Variants in TCERG1L observed in about 807,000 individuals in gnomAD.
TCERG1L encodes the protein transcription elongation regulator 1 like.
A neutral mutation model predicts 56.3 loss-of-function variants in TCERG1L; 37 were observed. The ratio of observed to expected loss-of-function variants is 0.66; its 90% confidence interval spans 0.51 to 0.87. TCERG1L has a LOEUF of 0.87. Among genes scored for constraint, TCERG1L ranks in the 40% least tolerant of loss-of-function variants. TCERG1L has a pLI of 0.00. For synonymous variants in TCERG1L, 324 were observed against 326.3 expected (o/e 0.99, Z 0.08); for missense variants, 799 against 774.2 (o/e 1.03, Z -0.38).
At chr10:131,259,004 T>G (rs1239895128) in intron 4 of TCERG1L, among the ~76,000 whole-genome samples, 3 of 152,236 alleles carry the variant, frequency 2.0e-5, no homozygotes, top group African/African-American at 7.2e-5. Context: ...ATGTGTTTTA[T>G]TTATTTTCTC....
chr10:131,142,562 C>T (rs890680315), intron 7 of TCERG1L, among the ~76,000 whole-genome samples: 10 of 152,168 alleles, frequency 6.6e-5, no homozygotes, highest in Non-Finnish European at 1.2e-4. Flanking sequence ...GTCATCTGCC[C>T]GCAGACTAGG....
intron 8 of TCERG1L, among the ~76,000 whole-genome samples, chr10:131,128,389 T>G (rs1012452629): frequency 3.3e-5 from 5 of 152,158 alleles, no homozygotes; most frequent in African/African-American, 4.8e-5. Flanking sequence ...GAAAATGCCC[T>G]TACAGAAGAA....
intron 4 of TCERG1L, among the ~76,000 whole-genome samples, chr10:131,251,056 G>A (rs563344856): frequency 3.0e-4 from 45 of 152,176 alleles, no homozygotes; most frequent in African/African-American, 9.6e-4. Context: ...ACATCATCAC[G>A]CTCTCAGGCC....
chr10:131,136,567 C>A (rs1845677451), intron 7 of TCERG1L, among the ~76,000 whole-genome samples: 1 of 152,076 alleles, frequency 6.6e-6, no homozygotes, highest in Non-Finnish European at 1.5e-5. Flanking sequence ...GCGATCTCGG[C>A]TCACTGCAAC....
At chr10:131,225,244 A>G (rs1252028019) in intron 4 of TCERG1L, among the ~76,000 whole-genome samples, 1 of 152,218 alleles carries the variant, frequency 6.6e-6, no homozygotes, top group Non-Finnish European at 1.5e-5. Context: ...TTCTTCTAGG[A>G]TGGGCCCTAC....
chr10:131,278,847 C>G (rs1200299925), intron 3 of TCERG1L, among the ~76,000 whole-genome samples: 1 of 152,144 alleles, frequency 6.6e-6, no homozygotes, highest in East Asian at 1.9e-4. Context: ...TGGGAGCTCT[C>G]CTGGGCTCAT....
In TCERG1L at chr10:131,116,899, G is replaced by A; in HGVS notation, c.1295C>T (p.Ala432Val). Reference sequence around the variant, plus strand: ...CCTTGTGCCTTTGTCCTCTCTCTTTGCCTCCTCTGGCTTGGGACTCCCGCA... The same window carrying A: ...CCTTGTGCCTTTGTCCTCTCTCTTTACCTCCTCTGGCTTGGGACTCCCGCA... ...EGCGSPKPEE[A>V]KREDKGTRTP... Residue 432 changes from alanine to valine, a missense_variant, in exon 9 of 12, where the codon GCA becomes GTA. Coordinates refer to ENST00000368642, the MANE Select transcript of TCERG1L (RefSeq NM_174937.4). 6.2e-7 allele frequency: 1 copy of A among 1,605,978 alleles called. No homozygotes were observed. Among genetic ancestry groups the A allele is most frequent in the Admixed American group, 1.7e-5 (1 of 59,040 alleles).
intron 3 of TCERG1L, among the ~76,000 whole-genome samples, chr10:131,274,135 C>T (rs992623792): frequency 6.6e-6 from 1 of 152,168 alleles, no homozygotes; most frequent in African/African-American, 2.4e-5. Context: ...GTCTTGCACA[C>T]AACTCATGGT....
intron 9 of TCERG1L, among the ~76,000 whole-genome samples, chr10:131,107,167 A>G (rs1845360468): frequency 6.6e-6 from 1 of 152,108 alleles, no homozygotes; most frequent in Non-Finnish European, 1.5e-5. Context: ...GGGCCGTTAG[A>G]GAAGCTATGG....
rs71009957 is a variant in TCERG1L at position 131,291,401 on chromosome 10, C to CTTTTTTTTTTTTTTTTTTTTTTT, written c.670+16787_670+16809dup. Among the ~76,000 whole-genome samples the CTTTTTTTTTTTTTTTTTTTTTTT allele has an allele frequency of 3.3e-4, 12 of 36,596 alleles. 4 individuals carry two copies. Among genetic ancestry groups the CTTTTTTTTTTTTTTTTTTTTTTT allele is most frequent in the African/African-American group, 5.0e-4 (5 of 10,020 alleles). The allele number at this position is 36,596 out of a possible 152,430, so 24.0% of individuals were successfully genotyped here. A position where few individuals can be genotyped will look rare whatever the true frequency, so the allele number is the denominator to read the frequency against. ...TGTGTATATTCCATAAACAGCATTT[C>CTTTTTTTTTTTTTTTTTTTTTTT]TTTTTTTTTTTTTTTTTTTTTTTTT... On this transcript the variant is annotated intron_variant, in intron 3 of 11. Coordinates refer to ENST00000368642, the MANE Select transcript of TCERG1L (RefSeq NM_174937.4).
rs1161713002 is a variant in TCERG1L at position 131,111,893 on chromosome 10, C to T, written c.1395+4906G>A. On this transcript the variant is annotated intron_variant, in intron 9 of 11. Transcript: ENST00000368642. ...AGCTGCCAAATAAGACACCGGCAGC[C>T]GAAAGGCATCTCCAGGTCCCTTGGT... Among the ~76,000 whole-genome samples the T allele has an allele frequency of 7.7e-5, 11 of 143,328 alleles. 3 individuals carry two copies. The highest frequency in any genetic ancestry group is 5.0e-4 in the South Asian group (2 of 3,984). The allele number at this position is 143,328 out of a possible 152,430, so 94.0% of individuals were successfully genotyped here.
chr10:131,308,181 A>G (rs1846834909), intron 3 of TCERG1L, 30 bp downstream of exon 3: 1 of 1,561,588 alleles, frequency 6.4e-7, no homozygotes, highest in Middle Eastern at 1.7e-4. Context: ...AAAATGAAAC[A>G]GACATTGTCA....
intron 4 of TCERG1L, among the ~76,000 whole-genome samples, chr10:131,218,920 C>G (rs1015756665): frequency 6.6e-6 from 1 of 152,146 alleles, no homozygotes; most frequent in Non-Finnish European, 1.5e-5. Context: ...CTCCAACACA[C>G]AGCAAATCTG....
At chr10:131,210,807 T>C (rs998700687) in intron 4 of TCERG1L, among the ~76,000 whole-genome samples, 7 of 152,118 alleles carry the variant, frequency 4.6e-5, no homozygotes, top group African/African-American at 1.4e-4. Flanking sequence ...ATATCTGCAG[T>C]CAATAACTCA....
At chr10:131,272,994 G>GTC (rs1257725683) in intron 3 of TCERG1L, among the ~76,000 whole-genome samples, 1 of 152,212 alleles carries the variant, frequency 6.6e-6, no homozygotes, top group Admixed American at 6.5e-5. Context: ...GATGGGGAGG[G>GTC]TCTGTCCATG....
At chr10:131,093,584 C>G (rs761617036) in intron 11 of TCERG1L, among the ~76,000 whole-genome samples, 47 of 152,206 alleles carry the variant, frequency 3.1e-4, no homozygotes, top group Non-Finnish European at 6.3e-4. Flanking sequence ...CCACCAGCCT[C>G]CTCAGCCGTC....
At chr10:131,291,362 C>CT (rs1846619919) in intron 3 of TCERG1L, among the ~76,000 whole-genome samples, 1 of 128,822 alleles carries the variant, frequency 7.8e-6, no homozygotes, top group Non-Finnish European at 1.6e-5. Context: ...AGATAGATAC[C>CT]TTTAATAATC....
intron 11 of TCERG1L, among the ~76,000 whole-genome samples, chr10:131,094,134 G>A (rs145920722): frequency 0.012 from 1,793 of 152,296 alleles, 50 homozygotes; most frequent in Non-Finnish European, 0.012. Context: ...ACTGACCTTC[G>A]CAGGCACCGG....
chr10:131,226,991 T>G (rs1845796435), intron 4 of TCERG1L, among the ~76,000 whole-genome samples: 1 of 152,240 alleles, frequency 6.6e-6, no homozygotes, highest in Non-Finnish European at 1.5e-5. Context: ...CCAGGTGGGC[T>G]CTGGGCAGGG....
Sources: allele counts gnomAD v4.1 joint callset (sites outside exome capture counted in the v4.1 genomes callset), GRCh38; gene constraint gnomAD v4.1.1; transcripts MANE v1.5; gene names NCBI Gene and HGNC (gene_info 2026-07-23, HGNC 2026-07-21).